TNIK: variants seen among roughly 807,000 people sequenced by gnomAD.
The protein encoded by TNIK is TRAF2 and NCK-interacting protein kinase.
TNIK carries 49 observed loss-of-function variants against 191.3 expected under a neutral mutation model. That is an observed-to-expected ratio of 0.26 (90% CI 0.20 to 0.32). TNIK has a LOEUF of 0.32. Among genes scored for constraint, TNIK ranks in the 10% least tolerant of loss-of-function variants. The pLI is 1.00. For synonymous variants in TNIK, 594 were observed against 600.9 expected, an observed-to-expected ratio of 0.99 and a Z score of 0.17; for missense variants, 1,155 against 1,702.3, an observed-to-expected ratio of 0.68 and a Z score of 5.66.
intron 1 of TNIK, among the ~76,000 whole-genome samples, chr3:171,452,889 C>T (rs1338341246): frequency 6.6e-6 from 1 of 152,068 alleles, no homozygotes; most frequent in Non-Finnish European, 1.5e-5. Context: ...CTACCCAGGA[C>T]CAGGCATAGT....
intron 9 of TNIK, among the ~76,000 whole-genome samples, chr3:171,173,812 CTCAGA>C (rs1735633923): frequency 6.6e-6 from 1 of 152,052 alleles, no homozygotes. Flanking sequence ...CCAGACTCAG[CTCAGA>C]TATCAAGCAG....
At chr3:171,176,088 C>A (rs1735920937) in intron 8 of TNIK, among the ~76,000 whole-genome samples, 3 of 152,170 alleles carry the variant, frequency 2.0e-5, no homozygotes. Flanking sequence ...AGAATTTCTA[C>A]TTTGTAGCTA....
chr3:171,436,135 T>A (rs1165337443), intron 1 of TNIK, among the ~76,000 whole-genome samples: 3 of 152,180 alleles, frequency 2.0e-5, no homozygotes, highest in African/African-American at 7.2e-5. Context: ...CTTCCCTCCA[T>A]CTGGTCCACT....
At chr3:171,419,543 G>T (rs1032820779) in intron 1 of TNIK, among the ~76,000 whole-genome samples, 2 of 152,222 alleles carry the variant, frequency 1.3e-5, no homozygotes, top group African/African-American at 2.4e-5. Context: ...AATAGACAAG[G>T]CTCAAGATGA....
chr3:171,241,837 A>G (rs1342149179), intron 2 of TNIK, among the ~76,000 whole-genome samples: 2 of 152,214 alleles, frequency 1.3e-5, no homozygotes, highest in African/African-American at 2.4e-5. Flanking sequence ...CTATGCAGCC[A>G]TAAAAAAGGA....
intron 12 of TNIK, among the ~76,000 whole-genome samples, chr3:171,141,077 A>G (rs917566489): frequency 6.6e-6 from 1 of 152,154 alleles, no homozygotes; most frequent in Admixed American, 6.5e-5. Flanking sequence ...ATTCATTATT[A>G]AGTGTCAATT....
rs79908994 is a variant in TNIK at position 171,409,861 on chromosome 3, C to A, written c.58-40176G>T. ...AAGCAGTATATTATGGGTTACCATA[C>A]TATTCTTAATTTCTAATCATTTTTA... On this transcript the variant is annotated intron_variant, in intron 1 of 32. Coordinates refer to ENST00000436636, the MANE Select transcript of TNIK (RefSeq NM_015028.4). Among the ~76,000 whole-genome samples, 1,495 of 151,252 alleles carry A rather than the reference C, an allele frequency of 9.9e-3. 34 individuals carry two copies. Among genetic ancestry groups the A allele is most frequent in the African/African-American group, 0.035 (1,420 of 41,040 alleles).
chr3:171,132,754 A>G, intron 15 of TNIK, among the ~76,000 whole-genome samples: 1 of 152,320 alleles, frequency 6.6e-6, no homozygotes, highest in Non-Finnish European at 1.5e-5. Context: ...TTGACAGCAA[A>G]TATATATTTA....
At chr3:171,349,868 G>T (rs1355380043) in intron 2 of TNIK, among the ~76,000 whole-genome samples, 1 of 152,084 alleles carries the variant, frequency 6.6e-6, no homozygotes, top group Non-Finnish European at 1.5e-5. Flanking sequence ...AGTATTCGAG[G>T]GCTTTTTTTG....
At chr3:171,423,916 G>A (rs1437139450) in intron 1 of TNIK, among the ~76,000 whole-genome samples, 1 of 152,120 alleles carries the variant, frequency 6.6e-6, no homozygotes, top group South Asian at 2.1e-4. Context: ...TCAGGACATA[G>A]GCATGGACAA....
intron 2 of TNIK, among the ~76,000 whole-genome samples, chr3:171,237,337 G>C (rs1284537977): frequency 6.6e-6 from 1 of 152,038 alleles, no homozygotes; most frequent in Non-Finnish European, 1.5e-5. Flanking sequence ...AGTAATATGG[G>C]GGAAAAAGAC....
At chr3:171,438,920 C>T (rs2108682213) in intron 1 of TNIK, among the ~76,000 whole-genome samples, 1 of 152,290 alleles carries the variant, frequency 6.6e-6, no homozygotes, top group South Asian at 2.1e-4. Flanking sequence ...GTTTCAGAGT[C>T]CTATGTCCCT....
At chr3:171,081,768 A>C (rs1005512431) in intron 27 of TNIK, among the ~76,000 whole-genome samples, 24 of 150,756 alleles carry the variant, frequency 1.6e-4, no homozygotes, top group African/African-American at 5.9e-4. Context: ...AATGATTCCC[A>C]CACTCAAATC....
At chr3:171,073,842 G>T (rs1479413774) in intron 28 of TNIK, among the ~76,000 whole-genome samples, 1 of 143,802 alleles carries the variant, frequency 7.0e-6, no homozygotes, top group Non-Finnish European at 1.5e-5. Flanking sequence ...AATACTAAAA[G>T]GTCAAAAAAA....
intron 2 of TNIK, among the ~76,000 whole-genome samples, chr3:171,329,150 ACTAT>A (rs1756132358): frequency 6.6e-6 from 1 of 152,072 alleles, no homozygotes; most frequent in South Asian, 2.1e-4. Flanking sequence ...TAGTAGCTTC[ACTAT>A]CTGACACGTT....
At chr3:171,233,794 T>C (rs1239623897) in intron 2 of TNIK, among the ~76,000 whole-genome samples, 4 of 152,174 alleles carry the variant, frequency 2.6e-5, no homozygotes, top group Non-Finnish European at 5.9e-5. Flanking sequence ...AATGAAGGCA[T>C]GAAATTTGAG....
intron 1 of TNIK, among the ~76,000 whole-genome samples, chr3:171,440,960 C>T (rs898975686): frequency 6.6e-6 from 1 of 152,158 alleles, no homozygotes; most frequent in Admixed American, 6.5e-5. Flanking sequence ...ATTTGAGCTA[C>T]CTTATCTTGA....
intron 3 of TNIK, 78 bp downstream of exon 3, chr3:171,228,087 G>A: frequency 6.9e-7 from 1 of 1,446,196 alleles, no homozygotes; most frequent in Non-Finnish European, 9.6e-7. Flanking sequence ...ACTTATGATG[G>A]GCCTATCAGG....
At chr3:171,283,108 CCA>C (rs896314851) in intron 2 of TNIK, among the ~76,000 whole-genome samples, 40 of 151,614 alleles carry the variant, frequency 2.6e-4, no homozygotes, top group African/African-American at 9.4e-4. Context: ...TGGATATTTT[CCA>C]CAGTTTCTTG....
Sources: gnomAD v4.1 joint callset for allele counts (sites outside exome capture counted in the v4.1 genomes callset) on GRCh38, gnomAD v4.1.1 for gene constraint, MANE v1.5 for transcripts, NCBI Gene and HGNC (gene_info 2026-07-23, HGNC 2026-07-21) for gene names.